Variants in CCDC73 observed in about 807,000 individuals in gnomAD.
CCDC73 encodes the protein coiled-coil domain containing 73.
A neutral mutation model predicts 116.5 loss-of-function variants in CCDC73; 95 were observed. The ratio of observed to expected loss-of-function variants is 0.82; its 90% CI spans 0.69 to 0.97. The LOEUF is 0.97. CCDC73 is among the 50% of genes least tolerant of loss of function. The probability of loss-of-function intolerance (pLI) is 0.00; values close to 1 mark genes in which losing one functional copy is unlikely to be tolerated. For synonymous variants in CCDC73, 398 were observed against 401.3 expected (o/e 0.99, Z 0.10); for missense variants, 1,066 against 1,206.8 (o/e 0.88, Z 1.73).
chr11:32,620,796 G>A (rs1855517227), intron 14 of CCDC73, among the ~76,000 whole-genome samples: 1 of 151,960 alleles, frequency 6.6e-6, no homozygotes, highest in Non-Finnish European at 1.5e-5. Context: ...TTTAAACTTT[G>A]TGAGGCTGTT....
chr11:32,622,955 T>C (rs548309880), intron 14 of CCDC73, among the ~76,000 whole-genome samples: 1 of 152,262 alleles, frequency 6.6e-6, no homozygotes, highest in South Asian at 2.1e-4. Context: ...AAAAGTGTAA[T>C]ATCCAAAGGG....
chr11:32,656,612 G>A (rs1855876238), intron 9 of CCDC73, among the ~76,000 whole-genome samples: 1 of 152,196 alleles, frequency 6.6e-6, no homozygotes, highest in Non-Finnish European at 1.5e-5. Context: ...AGCATCAGCA[G>A]CATCCACTAT....
chr11:32,624,004 A>G (rs1855546015), intron 14 of CCDC73, among the ~76,000 whole-genome samples: 1 of 152,136 alleles, frequency 6.6e-6, no homozygotes, highest in African/African-American at 2.4e-5. Context: ...AACTGGTACA[A>G]CATTTCCGGA....
chr11:32,767,338 G>A (rs535137297), intron 1 of CCDC73, among the ~76,000 whole-genome samples: 99 of 152,174 alleles, frequency 6.5e-4, no homozygotes, highest in African/African-American at 2.0e-3. Context: ...GATTAAAGAC[G>A]TAAATGTTAG....
chr11:32,636,189 CTT>C (rs1257794281), intron 13 of CCDC73, among the ~76,000 whole-genome samples: 3 of 152,040 alleles, frequency 2.0e-5, no homozygotes, highest in Non-Finnish European at 4.4e-5. Context: ...TAAACTACCT[CTT>C]GTCTCATAAA....
At chr11:32,694,624 T>C (rs116755156) in intron 6 of CCDC73, among the ~76,000 whole-genome samples, 2,571 of 152,266 alleles carry the variant, frequency 0.017, 74 homozygotes, top group African/African-American at 0.057. Flanking sequence ...ATACTTTCTA[T>C]ATTGTCCAGA....
the CCDC73 span, among the ~76,000 whole-genome samples, chr11:32,809,729 A>G: frequency 3.3e-5 from 5 of 152,220 alleles, no homozygotes; most frequent in Non-Finnish European, 7.4e-5. Flanking sequence ...CTTAATGTTC[A>G]TGACAAAAAA....
intron 14 of CCDC73, among the ~76,000 whole-genome samples, chr11:32,624,474 A>C (rs577654758): frequency 4.6e-5 from 7 of 152,250 alleles, no homozygotes; most frequent in Non-Finnish European, 1.0e-4. Context: ...GATGCCCAAT[A>C]GGGAAGTGGA....
rs541472367 is a variant in CCDC73 at position 32,769,571 on chromosome 11, C to G, written c.-15-9313G>C. ...TCAACAAAGCAAATCACAAAACCAGCAAAGATTCAAGGGATGGAGAAATAT... is the reference window on the plus strand; with the variant it reads ...TCAACAAAGCAAATCACAAAACCAGGAAAGATTCAAGGGATGGAGAAATAT... On this transcript the variant is annotated intron_variant, in intron 1 of 17. Transcript: ENST00000335185. Among the ~76,000 whole-genome samples, 10 of 152,196 alleles carry G rather than the reference C, an allele frequency of 6.6e-5. No homozygotes were observed. The East Asian group carries it at 1.9e-3, about 29-fold the overall frequency.
intron 2 of CCDC73, among the ~76,000 whole-genome samples, chr11:32,740,201 T>C (rs1850171490): frequency 6.6e-6 from 1 of 152,032 alleles, no homozygotes; most frequent in South Asian, 2.1e-4. Context: ...ATAACAGCCT[T>C]GTAGAATGAT....
At chr11:32,697,971 A>C (rs1451985850) in intron 6 of CCDC73, among the ~76,000 whole-genome samples, 6 of 147,598 alleles carry the variant, frequency 4.1e-5, no homozygotes, top group East Asian at 2.0e-4. Context: ...TCCACGCTCA[A>C]GTAGGCCCCA....
At chr11:32,790,838 T>C (rs1031715870) in intron 1 of CCDC73, among the ~76,000 whole-genome samples, 34 of 152,078 alleles carry the variant, frequency 2.2e-4, no homozygotes, top group African/African-American at 8.2e-4. Flanking sequence ...ATTCAACCAA[T>C]CTAAGGCAAC....
intron 17 of CCDC73, among the ~76,000 whole-genome samples, chr11:32,610,516 C>A (rs372981062): frequency 6.6e-6 from 1 of 152,088 alleles, no homozygotes; most frequent in East Asian, 1.9e-4. Context: ...ACACTACAAC[C>A]TTTTTCTTGC....
rs1049664998 is a variant in CCDC73, at chr11:32,705,962, A to G, written c.208-3018T>C. ...AGTAATCAAAAATATTTTAATTCCC[A>G]TAGCTAATTTTAAAAAATAATACTG... On this transcript the variant is annotated intron_variant, in intron 3 of 17. Transcript: ENST00000335185. Among the ~76,000 whole-genome samples the G allele has an allele frequency of 2.0e-5, 3 of 151,628 alleles. No individual in the cohort carries two copies. The Admixed American group carries it at 2.0e-4, about 10-fold the overall frequency.
At chr11:32,669,592 T>C (rs924535355) in intron 9 of CCDC73, among the ~76,000 whole-genome samples, 1 of 151,098 alleles carries the variant, frequency 6.6e-6, no homozygotes, top group Non-Finnish European at 1.5e-5. Context: ...ACCACACCCA[T>C]CTTCCCCCCA....
chr11:32,744,964 T>C (rs1850221479), intron 2 of CCDC73, among the ~76,000 whole-genome samples: 1 of 152,186 alleles, frequency 6.6e-6, no homozygotes, highest in African/African-American at 2.4e-5. Flanking sequence ...ATTTGTTTGC[T>C]CCTGCTTCTC....
chr11:32,690,893 T>C (rs902576875), intron 6 of CCDC73, among the ~76,000 whole-genome samples: 1 of 152,210 alleles, frequency 6.6e-6, no homozygotes, highest in Non-Finnish European at 1.5e-5. Flanking sequence ...ACAGCTTACA[T>C]TGGAATTCAC....
the CCDC73 span, among the ~76,000 whole-genome samples, chr11:32,828,455 A>T: frequency 6.6e-6 from 1 of 151,652 alleles, no homozygotes; most frequent in African/African-American, 2.4e-5. Flanking sequence ...GGTTACAGTA[A>T]GCCAAGATTG....
At chr11:32,656,300 C>T (rs929697852) in intron 9 of CCDC73, among the ~76,000 whole-genome samples, 1 of 151,840 alleles carries the variant, frequency 6.6e-6, no homozygotes, top group Non-Finnish European at 1.5e-5. Context: ...AGGATGGTCT[C>T]GATCTCCTGA....
Sources: allele counts gnomAD v4.1 joint callset (sites outside exome capture counted in the v4.1 genomes callset), GRCh38; gene constraint gnomAD v4.1.1; transcripts MANE v1.5; gene names NCBI Gene and HGNC (gene_info 2026-07-23, HGNC 2026-07-21).